The following SYTL2 variants were observed in gnomAD, a reference collection of about 807,000 sequenced individuals.
The protein encoded by SYTL2 is synaptotagmin-like protein 2.
Under a neutral mutation model 198.7 loss-of-function variants are expected in SYTL2, and 165 were observed. The observed-to-expected ratio is 0.83, with a 90% CI of 0.73 to 0.94. The LOEUF is 0.94. Ranked by LOEUF, SYTL2 falls within the 40% of genes least tolerant of loss-of-function variation. SYTL2 has a pLI of 0.00. For missense variants in SYTL2, 2,835 were observed against 2,582.8 expected (o/e 1.10, Z -2.12); for synonymous variants, 966 against 917.7 (o/e 1.05, Z -0.95).
the SYTL2 span, among the ~76,000 whole-genome samples, chr11:85,843,621 A>G: frequency 1.3e-5 from 2 of 152,134 alleles, no homozygotes; most frequent in Non-Finnish European, 2.9e-5. Flanking sequence ...AAATTTAGAC[A>G]CTAACTAGGT....
chr11:85,793,786 A>C (rs996408317), intron 1 of SYTL2, among the ~76,000 whole-genome samples: 7 of 152,184 alleles, frequency 4.6e-5, no homozygotes, highest in African/African-American at 1.7e-4. Flanking sequence ...CCTATTACCC[A>C]AAAAAGGTTG....
At chr11:85,707,637 T>C (rs1183251078) in intron 14 of SYTL2, 106 bp from the exon 15 acceptor site, 2 of 748,978 alleles carry the variant, frequency 2.7e-6, no homozygotes, top group Non-Finnish European at 4.5e-6. Flanking sequence ...AATTATTTCA[T>C]GACACTGAGA....
At chr11:85,833,727 TTC>T in the SYTL2 span, among the ~76,000 whole-genome samples, 9 of 142,428 alleles carry the variant, frequency 6.3e-5, no homozygotes, top group African/African-American at 2.1e-4. Context: ...AGTCGAAGAT[TTC>T]TTTTTTTTTT....
chr11:85,726,300 G>T lies in SYTL2; in HGVS notation c.3058C>A (p.His1020Asn). ...KNSAPFNRQKHKEFSDIKLSG... is the reference protein window; with the variant it reads ...KNSAPFNRQKNKEFSDIKLSG... ...AATTTAATGTCGCTGAATTCCTTGT[G>T]TTTCTGCCTATTAAAAGGTGCAGAA... Residue 1020 changes from histidine (H) to asparagine (N), a missense_variant, in exon 8 of 20, where the codon CAC becomes AAC. Around this residue, in one of 3 missense-constraint regions of SYTL2, gnomAD observed 2,645 missense variants for 2,381.7 expected, o/e 1.11. Coordinates refer to ENST00000359152, the MANE Select transcript of SYTL2 (RefSeq NM_206927.4). 2 of 1,613,906 alleles carry T rather than the reference G, an allele frequency of 1.2e-6. No individual in the cohort carries two copies. The highest frequency in any genetic ancestry group is 1.7e-6 in the Non-Finnish European group (2 of 1,179,920).
intron 1 of SYTL2, among the ~76,000 whole-genome samples, chr11:85,761,616 G>A (rs1055430685): frequency 6.6e-6 from 1 of 152,154 alleles, no homozygotes; most frequent in African/African-American, 2.4e-5. Flanking sequence ...TACACATGTG[G>A]CGCTGTACAT....
intron 7 of SYTL2, among the ~76,000 whole-genome samples, chr11:85,730,402 A>T (rs2089678617): frequency 6.6e-6 from 1 of 152,210 alleles, no homozygotes; most frequent in Non-Finnish European, 1.5e-5. Flanking sequence ...ACTATGATCA[A>T]GTCAGCTTCA....
In SYTL2 at chr11:85,724,318, G is replaced by A; in HGVS notation, c.5040C>T (p.Thr1680=). 2.5e-6 allele frequency: 4 copies of A among 1,579,048 alleles called. No homozygotes were observed. The highest frequency in any genetic ancestry group is 3.4e-6 in the Non-Finnish European group (4 of 1,165,648). ...AHEIGTIKTV[T]PPEDRDSESG... is the part of the protein sequence containing the mutation. ...TTTCACTGTCCCTGTCCTCTGGGGGGGTTACAGTTTTAATGGTCCCTATTT... is the reference window on the plus strand; with the variant it reads ...TTTCACTGTCCCTGTCCTCTGGGGGAGTTACAGTTTTAATGGTCCCTATTT... Residue 1680 remains threonine, a synonymous_variant, in exon 8 of 20, where the codon ACC becomes ACT. Coordinates refer to ENST00000359152, the MANE Select transcript of SYTL2 (RefSeq NM_206927.4).
intron 6 of SYTL2, 69 bp from the exon 7 acceptor site, chr11:85,734,811 A>C: frequency 8.8e-7 from 1 of 1,140,342 alleles, no homozygotes; most frequent in Admixed American, 2.4e-5. Context: ...TACCTGTCAT[A>C]AACTTAACCT....
At chr11:85,772,621 C>T (rs2092378456) in intron 1 of SYTL2, among the ~76,000 whole-genome samples, 1 of 152,248 alleles carries the variant, frequency 6.6e-6, no homozygotes, top group Admixed American at 6.5e-5. Context: ...ATCTAAAACT[C>T]CATTTAACAT....
rs1338190102 is a variant in SYTL2 at position 85,736,587 on chromosome 11, T to C, written c.500A>G (p.Lys167Arg). ...KQRKNPFNSS[K>R]LPEGHSSQQT... ...TTGTGATGAGTGACCTTCTGGCAACTTGGAGCTATTAAACGGATTCTTCCT... is the reference window on the plus strand; with the variant it reads ...TTGTGATGAGTGACCTTCTGGCAACCTGGAGCTATTAAACGGATTCTTCCT... Residue 167 changes from lysine to arginine, a missense_variant, in exon 6 of 20, where the codon AAG becomes AGG. Physicochemically the swap from Lys to Arg is conservative, Grantham distance 26. Around this residue, in one of 3 missense-constraint regions of SYTL2, gnomAD observed 2,645 missense variants for 2,381.7 expected, o/e 1.11. Coordinates refer to ENST00000359152, the MANE Select transcript of SYTL2 (RefSeq NM_206927.4). The C allele has an allele frequency of 5.6e-6, 9 of 1,601,896 alleles. No homozygotes were observed. The East Asian group carries it at 1.6e-4, about 28-fold the overall frequency.
intron 1 of SYTL2, among the ~76,000 whole-genome samples, chr11:85,780,341 G>A (rs977961381): frequency 6.6e-6 from 1 of 152,200 alleles, no homozygotes; most frequent in African/African-American, 2.4e-5. Context: ...GGAGTGATAA[G>A]AGTGTCTTTT....
At chr11:85,786,816 T>A (rs2092642952) in intron 1 of SYTL2, among the ~76,000 whole-genome samples, 1 of 152,184 alleles carries the variant, frequency 6.6e-6, no homozygotes, top group South Asian at 2.1e-4. Flanking sequence ...AGGACTCTTA[T>A]CTCCATATCT....
At chr11:85,750,037 G>T (rs941064674) in intron 2 of SYTL2, among the ~76,000 whole-genome samples, 19 of 152,076 alleles carry the variant, frequency 1.2e-4, no homozygotes, top group African/African-American at 4.6e-4. Context: ...TACCCCACTT[G>T]CCAGCAGGCT....
the SYTL2 span, among the ~76,000 whole-genome samples, chr11:85,842,258 G>C: frequency 1.3e-5 from 2 of 152,308 alleles, no homozygotes; most frequent in African/African-American, 2.4e-5. Flanking sequence ...GCTTCTTCCT[G>C]TAAGCACCTC....
intron 1 of SYTL2, among the ~76,000 whole-genome samples, chr11:85,776,445 T>C (rs1046008751): frequency 5.3e-5 from 8 of 152,196 alleles, no homozygotes; most frequent in African/African-American, 1.9e-4. Context: ...TTCCCCTCCC[T>C]GTGTCCATCT....
intron 2 of SYTL2, among the ~76,000 whole-genome samples, chr11:85,756,645 G>T (rs1489284998): frequency 1.3e-5 from 2 of 152,070 alleles, no homozygotes; most frequent in African/African-American, 4.8e-5. Context: ...AAAATAATGG[G>T]CATGTTAAGC....
chr11:85,835,860 C>G, the SYTL2 span, among the ~76,000 whole-genome samples: 2 of 152,174 alleles, frequency 1.3e-5, no homozygotes, highest in African/African-American at 4.8e-5. Flanking sequence ...GTAGTAGGGT[C>G]TTTCTGGGAC....
chr11:85,751,027 C>G (rs1437015264), intron 2 of SYTL2, among the ~76,000 whole-genome samples: 2 of 152,078 alleles, frequency 1.3e-5, no homozygotes, highest in African/African-American at 4.8e-5. Context: ...GTCTGTAAGC[C>G]CACGATCAAT....
At chr11:85,705,076 C>G (rs751968909) in intron 15 of SYTL2, 48 bp from the exon 16 acceptor site, 7 of 1,459,988 alleles carry the variant, frequency 4.8e-6, no homozygotes. Flanking sequence ...TTACTTGATG[C>G]CAAAGTTATA....
Sources: allele counts gnomAD v4.1 joint callset (sites outside exome capture counted in the v4.1 genomes callset), GRCh38; gene constraint gnomAD v4.1.1; regional missense constraint gnomAD v4.1.1; transcripts MANE v1.5; gene names NCBI Gene and HGNC (gene_info 2026-07-23, HGNC 2026-07-21).